The following DNAJB12 variants were observed in gnomAD, a reference collection of about 807,000 sequenced individuals.
The protein encoded by DNAJB12 is dnaJ homolog subfamily B member 12.
A neutral mutation model predicts 40.6 loss-of-function variants in DNAJB12; 14 were observed. That is an observed-to-expected ratio of 0.34 (90% CI 0.23 to 0.54). DNAJB12 has a LOEUF of 0.54. Ranked by LOEUF, DNAJB12 falls within the 20% of genes least tolerant of loss-of-function variation. The pLI is 0.92. For missense variants in DNAJB12, 444 were observed against 501.7 expected (o/e 0.89, Z 1.10); for synonymous variants, 181 against 199.5 (o/e 0.91, Z 0.78).
intron 2 of DNAJB12, 152 bp from the exon 3 acceptor site, chr10:72,343,663 C>T: frequency 1.2e-6 from 1 of 815,704 alleles, no homozygotes; most frequent in Admixed American, 2.3e-5. Context: ...TGTGTGACAC[C>T]AGGGACAAGG....
At chr10:72,354,673 C>T in intron 1 of DNAJB12, 92 bp downstream of exon 1, 1 of 1,230,330 alleles carries the variant, frequency 8.1e-7, no homozygotes, top group Non-Finnish European at 1.1e-6. Flanking sequence ...CCTCGCCACC[C>T]CTCCCCCTCC....
chr10:72,346,897 T>C (rs1861803700), intron 1 of DNAJB12, among the ~76,000 whole-genome samples: 1 of 152,212 alleles, frequency 6.6e-6, no homozygotes, highest in African/African-American at 2.4e-5. Context: ...TATGTTTGCA[T>C]TGCACCACAT....
intron 2 of DNAJB12, among the ~76,000 whole-genome samples, chr10:72,344,499 C>T (rs1023636199): frequency 2.6e-5 from 4 of 152,220 alleles, no homozygotes; most frequent in Admixed American, 1.3e-4. Context: ...CTGCTCACAG[C>T]CGTGGGGCAA....
At chr10:72,349,638 C>T (rs1255133856) in intron 1 of DNAJB12, among the ~76,000 whole-genome samples, 1 of 152,156 alleles carries the variant, frequency 6.6e-6, no homozygotes. Context: ...GGCAAAATAA[C>T]CAGTTATTCA....
rs574867550 is a variant in DNAJB12, at chr10:72,350,523, T to G, written c.133+4242A>C. Among the ~76,000 whole-genome samples, 3 of 147,852 alleles carry G rather than the reference T, an allele frequency of 2.0e-5. No individual in the cohort carries two copies. The East Asian group carries it at 6.6e-4, about 32-fold the overall frequency. On this transcript the variant is annotated intron_variant, in intron 1 of 8. Coordinates refer to ENST00000444643, the MANE Select transcript of DNAJB12 (RefSeq NM_017626.7). ...TCATCTGTGCAAAACTCTATCTCCA[T>G]CATACAGGCTAAAAGAGGAAATGAG...
At chr10:72,343,632 C>G (rs1391344523) in intron 2 of DNAJB12, 121 bp from the exon 3 acceptor site, 1 of 1,036,136 alleles carries the variant, frequency 9.7e-7, no homozygotes, top group East Asian at 2.4e-5. Context: ...CAGGGCAAGG[C>G]TGACAGCTCC....
chr10:72,334,282 G>C lies in DNAJB12; in HGVS notation c.*366C>G, dbSNP rs1349122165. The stretch of plus-strand genomic sequence containing the variant: ...GTGGCTGGTGGTGGCTCCTGTGAGG[G>C]AGGAAAGGCAGCTGGGTGCCCCCTC... On this transcript the variant is annotated 3_prime_UTR_variant, in exon 9 of 9. Transcript: ENST00000444643. 1.8e-5 allele frequency: 8 copies of C among 435,038 alleles called. No homozygotes were observed. The highest frequency in any genetic ancestry group is 2.9e-5 in the Non-Finnish European group (7 of 244,056). The allele number at this position is 435,038 out of a possible 1,614,324, so 26.9% of individuals were successfully genotyped here. A position where few individuals can be genotyped will look rare whatever the true frequency, so the allele number is the denominator to read the frequency against.
chr10:72,340,656 C>A, intron 5 of DNAJB12, 133 bp downstream of exon 5: 1 of 907,738 alleles, frequency 1.1e-6, no homozygotes. Flanking sequence ...CAGAGGGCTC[C>A]TTGGCTGAGA....
chr10:72,335,538 C>T lies in DNAJB12; in HGVS notation c.*30+242G>A. ...TGCCTGGTTCTGGGGTCCCCCACACCCCTGGAGCCAGGGAGCAGAGCGGAG... is the reference window on the plus strand; with the variant it reads ...TGCCTGGTTCTGGGGTCCCCCACACTCCTGGAGCCAGGGAGCAGAGCGGAG... On this transcript the variant is annotated intron_variant, in intron 8 of 8. Coordinates refer to ENST00000444643, the MANE Select transcript of DNAJB12 (RefSeq NM_017626.7). This position sits in a 1 kb window ranked among gnomAD's most constrained non-coding sequence, Gnocchi z 4.4. The T allele has an allele frequency of 1.6e-6, 2 of 1,268,030 alleles. No individual in the cohort carries two copies. The highest frequency in any genetic ancestry group is 2.0e-6 in the Non-Finnish European group (2 of 997,882). 78.5% of individuals were successfully genotyped at this position (1,268,030 alleles called of 1,614,324 possible).
At chr10:72,341,247 C>A in intron 3 of DNAJB12, 77 bp from the exon 4 acceptor site, 1 of 1,415,178 alleles carries the variant, frequency 7.1e-7, no homozygotes, top group Non-Finnish European at 9.7e-7. Flanking sequence ...CGAGTGCTCA[C>A]TTTTCTCAGG....
At chr10:72,345,595 G>A (rs1489786588) in intron 1 of DNAJB12, among the ~76,000 whole-genome samples, 6 of 148,724 alleles carry the variant, frequency 4.0e-5, no homozygotes, top group South Asian at 2.1e-4. Flanking sequence ...AAAAAAATCC[G>A]GGCACAGTGG....
At chr10:72,338,413 T>A in intron 5 of DNAJB12, 102 bp from the exon 6 acceptor site, 2 of 912,566 alleles carry the variant, frequency 2.2e-6, no homozygotes, top group Non-Finnish European at 3.5e-6. Flanking sequence ...TGGGGAGACA[T>A]GACACCACTC....
chr10:72,335,372 G>A lies in DNAJB12; in HGVS notation c.*30+408C>T, dbSNP rs1452130414. The A allele has an allele frequency of 3.0e-6, 3 of 1,003,260 alleles. No homozygotes were observed. The highest frequency in any genetic ancestry group is 8.1e-5 in the South Asian group (2 of 24,690). The allele number at this position is 1,003,260 out of a possible 1,614,324, so 62.1% of individuals were successfully genotyped here. On this transcript the variant is annotated intron_variant, in intron 8 of 8. Coordinates refer to ENST00000444643, the MANE Select transcript of DNAJB12 (RefSeq NM_017626.7). The surrounding 1 kb of genome is among the most constrained non-coding windows in gnomAD (Gnocchi z 4.4). The stretch of plus-strand genomic sequence containing the variant: ...GGCAGTGTGCATATGGGGCTCTCTT[G>A]GGCCCCACCATATGTGATGGCCTAA...
intron 8 of DNAJB12, 65 bp from the exon 9 acceptor site, chr10:72,334,682 C>A: frequency 6.7e-7 from 1 of 1,496,478 alleles, no homozygotes; most frequent in Non-Finnish European, 8.8e-7. Flanking sequence ...TAGCTTATGC[C>A]ACACAAGTAG....
At chr10:72,353,861 G>A (rs1188809192) in intron 1 of DNAJB12, 2 of 152,210 alleles carry the variant, frequency 1.3e-5, no homozygotes, top group East Asian at 1.9e-4. Context: ...TTCCCAGACG[G>A]TTTACTGAGT....
At chr10:72,338,348 G>A (rs374229198) in intron 5 of DNAJB12, 37 bp from the exon 6 acceptor site, 38 of 1,575,024 alleles carry the variant, frequency 2.4e-5, no homozygotes, top group Non-Finnish European at 3.3e-5. Flanking sequence ...GCTGGACCTG[G>A]GTGGGGTGTG....
intron 5 of DNAJB12, among the ~76,000 whole-genome samples, chr10:72,339,504 G>A (rs1339203941): frequency 4.0e-5 from 6 of 151,232 alleles, no homozygotes; most frequent in Admixed American, 2.6e-4. Flanking sequence ...ACTGCACTCC[G>A]GCATGGGCAA....
intron 1 of DNAJB12, 61 bp from the exon 2 acceptor site, chr10:72,345,188 G>T: frequency 6.5e-7 from 1 of 1,543,050 alleles, no homozygotes; most frequent in South Asian, 1.3e-5. Context: ...GCCTCGCCGA[G>T]CGGCCCGCTG....
chr10:72,334,662 C>A (rs1861416541), intron 8 of DNAJB12, 45 bp from the exon 9 acceptor site: 1 of 1,520,724 alleles, frequency 6.6e-7, no homozygotes, highest in Admixed American at 2.1e-5. Flanking sequence ...TCAGGCGGCA[C>A]CGGCTCCTCT....
Sources: gnomAD v4.1 joint callset for allele counts (sites outside exome capture counted in the v4.1 genomes callset) on GRCh38, gnomAD v4.1.1 for gene constraint, Gnocchi (gnomAD v3.1) non-coding constraint, MANE v1.5 for transcripts, NCBI Gene and HGNC (gene_info 2026-07-23, HGNC 2026-07-21) for gene names.